Variants in COL19A1 observed in about 807,000 individuals in gnomAD.
The protein encoded by COL19A1 is collagen alpha-1(XIX) chain.
In COL19A1, 159 loss-of-function variants were observed where a neutral mutation model predicts 190.2. That is an observed-to-expected ratio of 0.84 (90% CI 0.73 to 0.95). The LOEUF (loss-of-function observed/expected upper bound fraction) is 0.95. COL19A1 is among the 40% of genes least tolerant of loss of function. The pLI is 0.00. For missense variants in COL19A1, 1,418 were observed against 1,431.9 expected (o/e 0.99, Z 0.16); for synonymous variants, 509 against 458.9 (o/e 1.11, Z -1.39).
At position 70,208,439 on chromosome 6, in the gene COL19A1, G is replaced by A. The variant is rs543107122; in HGVS notation, c.*1165G>A. 1 of 152,352 alleles carries A rather than the reference G, an allele frequency of 6.6e-6. No homozygotes were observed. The highest frequency in any genetic ancestry group is 6.5e-5 in the Admixed American group (1 of 15,300). 9.4% of individuals were successfully genotyped at this position (152,352 alleles called of 1,614,324 possible). Reference sequence around the variant, plus strand: ...GGACTGGATATGCAACTAGTGCTCAGACCAAAGAGTTCACACCCACTCTAA... The same window carrying A: ...GGACTGGATATGCAACTAGTGCTCAAACCAAAGAGTTCACACCCACTCTAA... On this transcript the variant is annotated 3_prime_UTR_variant, in exon 51 of 51. Coordinates refer to ENST00000620364, the MANE Select transcript of COL19A1 (RefSeq NM_001858.6).
rs35019848 is a variant in COL19A1, at chr6:70,100,532, A to AT, written c.1225-1617dup. ...ATTAATAATTATATTTGTGTTTTTA[A>AT]TTTTTTTTTTTTTTTTTTTTGAGAC... On this transcript the variant is annotated intron_variant, in intron 15 of 50. Transcript: ENST00000620364. Among the ~76,000 whole-genome samples, 341 of 107,114 alleles carry AT rather than the reference A, an allele frequency of 3.2e-3. 3 individuals carry two copies. The highest frequency in any genetic ancestry group is 0.012 in the East Asian group (41 of 3,436). 70.3% of individuals were successfully genotyped at this position (107,114 alleles called of 152,430 possible).
At chr6:70,176,331 A>G (rs1461412411) in intron 41 of COL19A1, among the ~76,000 whole-genome samples, 189 bp from the exon 42 acceptor site, 4 of 152,234 alleles carry the variant, frequency 2.6e-5, no homozygotes, top group Non-Finnish European at 5.9e-5. Flanking sequence ...TAACGAGTTC[A>G]GTTGTCAATT....
chr6:70,058,837 A>G (rs1010618115), intron 14 of COL19A1, among the ~76,000 whole-genome samples: 2 of 152,038 alleles, frequency 1.3e-5, no homozygotes, highest in Admixed American at 6.6e-5. Flanking sequence ...ATTAAAAAAA[A>G]GAAAAATTAC....
At chr6:69,896,056 A>T (rs1354403994) in intron 2 of COL19A1, among the ~76,000 whole-genome samples, 1 of 151,740 alleles carries the variant, frequency 6.6e-6, no homozygotes, top group African/African-American at 2.4e-5. Context: ...ACAGTTTTCT[A>T]AAGTGTACTA....
intron 16 of COL19A1, among the ~76,000 whole-genome samples, chr6:70,108,648 C>T (rs1474937060): frequency 6.6e-6 from 1 of 152,050 alleles, no homozygotes. Context: ...TCAATGTCAA[C>T]TTGATGCTCT....
intron 11 of COL19A1, among the ~76,000 whole-genome samples, chr6:70,018,948 G>A (rs1166834231): frequency 6.6e-6 from 1 of 152,040 alleles, no homozygotes; most frequent in Non-Finnish European, 1.5e-5. Context: ...CAAACTCTCT[G>A]GCTTCAGAAA....
chr6:70,049,706 A>G (rs1334969765), intron 14 of COL19A1, among the ~76,000 whole-genome samples: 2 of 152,076 alleles, frequency 1.3e-5, no homozygotes, highest in Non-Finnish European at 2.9e-5. Flanking sequence ...GACTTTTACA[A>G]AAGAGTTATT....
intron 48 of COL19A1, among the ~76,000 whole-genome samples, chr6:70,192,493 CTT>C (rs397741284): frequency 1.4e-5 from 2 of 146,426 alleles, no homozygotes; most frequent in Non-Finnish European, 1.5e-5. Context: ...CTCTCTCTCT[CTT>C]TCTTTCTTTG....
At chr6:69,948,229 A>C (rs561767756) in intron 9 of COL19A1, among the ~76,000 whole-genome samples, 1 of 151,880 alleles carries the variant, frequency 6.6e-6, no homozygotes, top group Non-Finnish European at 1.5e-5. Flanking sequence ...AGAATCACCG[A>C]AGCGCTTGAG....
chr6:70,099,088 GA>G (rs1783470504), intron 15 of COL19A1, among the ~76,000 whole-genome samples: 1 of 129,568 alleles, frequency 7.7e-6, no homozygotes, highest in African/African-American at 2.9e-5. Context: ...AAAAAATTGA[GA>G]AAAAAAGAGA....
At chr6:70,181,510 C>T (rs920415057) in intron 44 of COL19A1, among the ~76,000 whole-genome samples, 2 of 151,994 alleles carry the variant, frequency 1.3e-5, no homozygotes, top group Admixed American at 1.3e-4. Flanking sequence ...ATCATTAAAG[C>T]CTGCCACTGA....
intron 39 of COL19A1, 42 bp from the exon 40 acceptor site, chr6:70,168,613 T>G: frequency 1.2e-6 from 2 of 1,604,402 alleles, no homozygotes; most frequent in Non-Finnish European, 1.7e-6. Flanking sequence ...GTAACTGCTT[T>G]GGTCATTATT....
chr6:70,174,865 G>C (rs1332999399), intron 41 of COL19A1, among the ~76,000 whole-genome samples: 1 of 152,192 alleles, frequency 6.6e-6, no homozygotes, highest in Non-Finnish European at 1.5e-5. Flanking sequence ...TACTCAAAGA[G>C]TGAATTAGAA....
At chr6:69,967,576 CA>C (rs1216172794) in intron 11 of COL19A1, among the ~76,000 whole-genome samples, 1 of 152,174 alleles carries the variant, frequency 6.6e-6, no homozygotes. Flanking sequence ...CTAACAAGTT[CA>C]TATGGTCCCT....
rs146535321 is a variant in COL19A1 at position 70,035,662 on chromosome 6, C to T, written c.1135-242C>T. Among the ~76,000 whole-genome samples the T allele has an allele frequency of 1.9e-3, 295 of 152,164 alleles. 5 individuals carry two copies. The highest frequency in any genetic ancestry group is 6.7e-3 in the African/African-American group (280 of 41,536). On this transcript the variant is annotated intron_variant, in intron 13 of 50. Coordinates refer to ENST00000620364, the MANE Select transcript of COL19A1 (RefSeq NM_001858.6). ...AAAGAATAGAAAATTAGATTATTTT[C>T]GCTTTCAAAACAAGTCCTGCTGTTG... is the stretch of plus-strand genomic sequence containing the variant.
intron 11 of COL19A1, among the ~76,000 whole-genome samples, chr6:70,007,979 G>T (rs1485060152): frequency 1.3e-5 from 2 of 151,720 alleles, no homozygotes; most frequent in African/African-American, 4.8e-5. Context: ...ACACCCTGTA[G>T]GTCAAAGAAG....
At chr6:69,995,031 C>G (rs1190932751) in intron 11 of COL19A1, among the ~76,000 whole-genome samples, 2 of 152,144 alleles carry the variant, frequency 1.3e-5, no homozygotes, top group African/African-American at 2.4e-5. Flanking sequence ...CAAATGTTCT[C>G]TCTCTCACAT....
intron 11 of COL19A1, among the ~76,000 whole-genome samples, chr6:69,999,300 G>C (rs1398129758): frequency 1.3e-5 from 2 of 151,912 alleles, no homozygotes; most frequent in South Asian, 2.1e-4. Flanking sequence ...GGGAGGCCAA[G>C]GCAGGAGGCC....
chr6:70,204,052 G>A (rs1005712434), intron 49 of COL19A1, among the ~76,000 whole-genome samples: 2 of 152,078 alleles, frequency 1.3e-5, no homozygotes, highest in African/African-American at 4.8e-5. Flanking sequence ...GTAGAGATAG[G>A]GTTTCACCAT....
Sources: allele counts gnomAD v4.1 joint callset (sites outside exome capture counted in the v4.1 genomes callset), GRCh38; gene constraint gnomAD v4.1.1; transcripts MANE v1.5; gene names NCBI Gene and HGNC (gene_info 2026-07-23, HGNC 2026-07-21).